CLDN14: variants seen among roughly 807,000 people sequenced by gnomAD.
CLDN14 encodes the protein claudin 14.
Under a neutral mutation model 2.1 loss-of-function variants are expected in CLDN14, and 2 were observed. The ratio of observed to expected loss-of-function variants is 0.96; its 90% confidence interval spans 0.39 to 3.01. The LOEUF (loss-of-function observed/expected upper bound fraction) is 3.01. Ranked by LOEUF, CLDN14 falls within the 30% of genes most tolerant of loss-of-function variation. The probability of loss-of-function intolerance (pLI) is 0.09; values close to 1 mark genes in which losing one functional copy is unlikely to be tolerated. For missense variants in CLDN14, 298 were observed against 328.0 expected (o/e 0.91, Z 0.71); for synonymous variants, 136 against 154.4 (o/e 0.88, Z 0.88).
intron 1 of CLDN14, among the ~76,000 whole-genome samples, chr21:36,472,775 A>G (rs2086725935): frequency 6.6e-6 from 1 of 152,160 alleles, no homozygotes; most frequent in African/African-American, 2.4e-5. Flanking sequence ...TCTTCTTTGC[A>G]TGCAGGCAGA....
chr21:36,553,876 G>A (rs576561260), intron 1 of CLDN14, among the ~76,000 whole-genome samples: 11 of 152,196 alleles, frequency 7.2e-5, no homozygotes, highest in African/African-American at 1.4e-4. Flanking sequence ...GATGCTAATC[G>A]CCATGTTGAC....
chr21:36,548,640 C>A (rs1272553440), intron 1 of CLDN14, among the ~76,000 whole-genome samples: 2 of 152,158 alleles, frequency 1.3e-5, no homozygotes, highest in African/African-American at 4.8e-5. Context: ...ACCCTGACTG[C>A]CCCACGGTAT....
chr21:36,492,453 AAAAAAAAAAAAAAAAT>A (rs1374188069), intron 2 of CLDN14, among the ~76,000 whole-genome samples: 10 of 121,132 alleles, frequency 8.3e-5, no homozygotes, highest in Admixed American at 7.6e-4. Flanking sequence ...AAAAAAAAAA[AAAAAAAAAAAAAAAAT>A]GCAAAAATTA....
chr21:36,497,737 G>A (rs1381306680), intron 2 of CLDN14, among the ~76,000 whole-genome samples: 4 of 151,948 alleles, frequency 2.6e-5, no homozygotes, highest in Admixed American at 6.6e-5. Flanking sequence ...TTCTGCCCCC[G>A]CCCAGGTCCC....
At chr21:36,502,982 T>A (rs1230563681) in intron 2 of CLDN14, among the ~76,000 whole-genome samples, 1 of 152,258 alleles carries the variant, frequency 6.6e-6, no homozygotes, top group Admixed American at 6.5e-5. Context: ...GTCTGAGAAC[T>A]GATGGTTTAG....
intron 1 of CLDN14, among the ~76,000 whole-genome samples, chr21:36,515,789 C>CTCTTTTTTTTTTT (rs777338181): frequency 1.5e-4 from 17 of 115,316 alleles, no homozygotes; most frequent in African/African-American, 4.3e-4. Flanking sequence ...TTTATCTTCT[C>CTCTTTTTTTTTTT]TTTTTTTTTT....
rs182515323 is a variant in CLDN14 at position 36,523,914 on chromosome 21, C to T, written c.-219-13414G>A. ...TACTGCCCACTCCGAGATGCTCCAG[C>T]CCTGCCGGCTCCTGGAGTGTGACCT... is the stretch of plus-strand genomic sequence containing the variant. On this transcript the variant is annotated intron_variant, in intron 1 of 2. Transcript: ENST00000342108. Among the ~76,000 whole-genome samples, 3 of 152,158 alleles carry T rather than the reference C, an allele frequency of 2.0e-5. No homozygotes were observed. The East Asian group carries it at 5.8e-4, about 29-fold the overall frequency.
chr21:36,564,990 T>C (rs1049909558), intron 1 of CLDN14, among the ~76,000 whole-genome samples: 2 of 152,214 alleles, frequency 1.3e-5, no homozygotes, highest in Non-Finnish European at 2.9e-5. Flanking sequence ...GCCAATACCT[T>C]GATCACAACC....
intron 2 of CLDN14, among the ~76,000 whole-genome samples, chr21:36,506,520 C>T (rs553636568): frequency 6.3e-4 from 94 of 149,708 alleles, no homozygotes; most frequent in African/African-American, 2.1e-3. Context: ...TCGTTTGAAC[C>T]GGGGGGGCGG....
intron 1 of CLDN14, among the ~76,000 whole-genome samples, chr21:36,530,473 C>T (rs2087371140): frequency 1.3e-5 from 2 of 152,278 alleles, no homozygotes; most frequent in African/African-American, 2.4e-5. Flanking sequence ...TACTGAACAC[C>T]TGCTATGTGC....
At chr21:36,562,819 G>A (rs2087645647) in intron 1 of CLDN14, among the ~76,000 whole-genome samples, 1 of 152,068 alleles carries the variant, frequency 6.6e-6, no homozygotes, top group African/African-American at 2.4e-5. Context: ...TAGTTTTGTG[G>A]TGAGCCCACT....
At chr21:36,463,228 G>A (rs1283127607) in intron 1 of CLDN14, among the ~76,000 whole-genome samples, 2 of 152,168 alleles carry the variant, frequency 1.3e-5, no homozygotes, top group Non-Finnish European at 2.9e-5. Flanking sequence ...CTTCTTTTTT[G>A]GTTCTGAAGG....
chr21:36,497,543 C>T (rs1203657810), intron 2 of CLDN14, among the ~76,000 whole-genome samples: 1 of 152,032 alleles, frequency 6.6e-6, no homozygotes, highest in East Asian at 1.9e-4. Flanking sequence ...TAACTCTTAT[C>T]TTTCAGCAAA....
At chr21:36,463,078 A>G (rs1315263960) in intron 1 of CLDN14, among the ~76,000 whole-genome samples, 2 of 152,184 alleles carry the variant, frequency 1.3e-5, no homozygotes, top group Non-Finnish European at 2.9e-5. Context: ...CAGAAAAGGA[A>G]GGGAGTGGAA....
At chr21:36,473,048 T>C (rs572032154) in intron 1 of CLDN14, among the ~76,000 whole-genome samples, 39 of 151,652 alleles carry the variant, frequency 2.6e-4, no homozygotes, top group African/African-American at 9.3e-4. Flanking sequence ...CTCAGCTCTA[T>C]AGCAGGCTGC....
chr21:36,467,907 G>A (rs2086666651), intron 1 of CLDN14, among the ~76,000 whole-genome samples: 2 of 152,214 alleles, frequency 1.3e-5, no homozygotes, highest in Non-Finnish European at 2.9e-5. Flanking sequence ...CAAGCCAGGT[G>A]TGTGGTGGAA....
intron 1 of CLDN14, among the ~76,000 whole-genome samples, chr21:36,516,544 A>G (rs1601620079): frequency 6.6e-6 from 1 of 152,376 alleles, no homozygotes; most frequent in East Asian, 1.9e-4. Context: ...ATCAAAAGGT[A>G]CAAGTATTAT....
At chr21:36,493,008 G>A (rs995143329) in intron 2 of CLDN14, among the ~76,000 whole-genome samples, 5 of 152,226 alleles carry the variant, frequency 3.3e-5, no homozygotes, top group Non-Finnish European at 5.9e-5. Context: ...AGACAAGATC[G>A]CAAAGAAGCA....
intron 1 of CLDN14, among the ~76,000 whole-genome samples, chr21:36,523,791 GAA>G (rs201191075): frequency 0.18 from 15,076 of 83,338 alleles, 3,824 homozygotes; most frequent in Non-Finnish European, 0.25. Flanking sequence ...GAGAAAGAAA[GAA>G]AGAAAGAAAG....
Sources: gnomAD v4.1 joint callset for allele counts (sites outside exome capture counted in the v4.1 genomes callset) on GRCh38, gnomAD v4.1.1 for gene constraint, MANE v1.5 for transcripts, NCBI Gene and HGNC (gene_info 2026-07-23, HGNC 2026-07-21) for gene names.